RNASET2: variants seen among roughly 807,000 people sequenced by gnomAD.
The protein encoded by RNASET2 is ribonuclease 6.
In RNASET2, 28 loss-of-function variants were observed where a neutral mutation model predicts 33.9. The observed-to-expected ratio is 0.83, with a 90% CI of 0.61 to 1.13. The LOEUF is 1.13. RNASET2 is among the 50% of genes most tolerant of loss of function. RNASET2 has a pLI of 0.00. For missense variants in RNASET2, 330 were observed against 319.9 expected (o/e 1.03, Z -0.24); for synonymous variants, 123 against 121.0 (o/e 1.02, Z -0.11).
chr6:166,931,079 C>T lies in RNASET2; in HGVS notation c.532G>A (p.Val178Met), dbSNP rs1239284254. ...FKDALARVYGVIPKIQCLPPS... is the reference protein window; with the variant it reads ...FKDALARVYGMIPKIQCLPPS... ...GGAAGGCACTGGATTTTGGGTATCA[C>T]TCCATATACTCTGGCAAGGGCATCT... Residue 178 changes from valine (V) to methionine (M), a missense_variant, in exon 8 of 9, where the codon GTG (valine) becomes ATG (methionine). By Grantham distance (21) the Val-to-Met change is conservative. Coordinates refer to ENST00000508775, the MANE Select transcript of RNASET2 (RefSeq NM_003730.6). The T allele has an allele frequency of 1.9e-6, 3 of 1,612,618 alleles. No homozygotes were observed. Among genetic ancestry groups the T allele is most frequent in the South Asian group, 2.2e-5 (2 of 91,066 alleles).
intron 2 of RNASET2, 34 bp from the exon 3 acceptor site, chr6:166,948,659 T>A: frequency 7.9e-7 from 1 of 1,269,238 alleles, no homozygotes; most frequent in Non-Finnish European, 1.2e-6. Flanking sequence ...AATGATTGGC[T>A]CTTTGTTTAT....
intron 1 of RNASET2, among the ~76,000 whole-genome samples, chr6:166,955,330 C>T (rs1477142868): frequency 1.1e-5 from 1 of 88,380 alleles, no homozygotes. Flanking sequence ...CACACACGCA[C>T]GCACGCACAC....
At position 166,933,863 on chromosome 6, in the gene RNASET2, G is replaced by T; in HGVS notation, c.492+228C>A. 1.7e-6 allele frequency: 1 copy of T among 586,490 alleles called. No homozygotes were observed. The highest frequency in any genetic ancestry group is 4.5e-4 in the Middle Eastern group (1 of 2,220). The allele number at this position is 586,490 out of a possible 1,614,324, so 36.3% of individuals were successfully genotyped here. On this transcript the variant is annotated intron_variant, in intron 7 of 8. Coordinates refer to ENST00000508775, the MANE Select transcript of RNASET2 (RefSeq NM_003730.6). The surrounding 1 kb of genome is among the most constrained non-coding windows in gnomAD (Gnocchi z 4.1). ...CTGGAGCACACACTTCTCACAAAGG[G>T]AGCCATGAAATCTGTGCTTCCAAAT...
At chr6:166,955,393 ACGCG>A (rs541737588) in intron 1 of RNASET2, 1 of 297,648 alleles carries the variant, frequency 3.4e-6, no homozygotes, top group Non-Finnish European at 3.8e-6. Flanking sequence ...ACACACACAC[ACGCG>A]CACACACACA....
intron 8 of RNASET2, among the ~76,000 whole-genome samples, chr6:166,930,522 TCACACATG>T (rs553755264): frequency 9.3e-4 from 127 of 136,432 alleles, no homozygotes; most frequent in Non-Finnish European, 1.7e-3. Context: ...ATGCACACAT[TCACACATG>T]CACACACATG....
In RNASET2 at chr6:166,922,899, T is replaced by C. The variant is rs1298472333; in HGVS notation, c.*6689A>G. On this transcript the variant is annotated 3_prime_UTR_variant, in exon 9 of 9. Coordinates refer to ENST00000508775, the MANE Select transcript of RNASET2 (RefSeq NM_003730.6). The stretch of plus-strand genomic sequence containing the variant: ...TACACGCCAGGTTCAATGTCTTTGC[T>C]GGTAAAAATGGGCCACTGTCACTCT... 1.3e-5 allele frequency among the ~76,000 whole-genome samples: 2 copies of C among 152,202 alleles called. No individual in the cohort carries two copies. Among genetic ancestry groups the C allele is most frequent in the Non-Finnish European group, 2.9e-5 (2 of 68,032 alleles).
intron 4 of RNASET2, chr6:166,945,469 C>T (rs2128646151): frequency 6.5e-6 from 1 of 154,548 alleles, no homozygotes; most frequent in Non-Finnish European, 1.5e-5. Flanking sequence ...TCACGGCAGT[C>T]CCCAGCCTCT....
At chr6:166,942,968 C>A in intron 5 of RNASET2, 51 bp downstream of exon 5, 1 of 1,470,380 alleles carries the variant, frequency 6.8e-7, no homozygotes, top group East Asian at 2.3e-5. Flanking sequence ...ATCACGCTCC[C>A]CACACCCGCT....
At position 166,923,458 on chromosome 6, in the gene RNASET2, G is replaced by A. The variant is rs1185510273; in HGVS notation, c.*6130C>T. On this transcript the variant is annotated 3_prime_UTR_variant, in exon 9 of 9. Transcript: ENST00000508775. Reference sequence around the variant, plus strand: ...TGGTCTTGAACGCTTGACCTCAAGTGATCCGCCCACCTCGGCCTCCCAAGG... The same window carrying A: ...TGGTCTTGAACGCTTGACCTCAAGTAATCCGCCCACCTCGGCCTCCCAAGG... Among the ~76,000 whole-genome samples the A allele has an allele frequency of 6.6e-6, 1 of 151,888 alleles. No homozygotes were observed. Among genetic ancestry groups the A allele is most frequent in the Non-Finnish European group, 1.5e-5 (1 of 67,986 alleles).
In RNASET2 at chr6:166,956,326, G is replaced by C. The variant is rs549233900; in HGVS notation, c.-144C>G. 1 of 793,774 alleles carries C rather than the reference G, an allele frequency of 1.3e-6. No homozygotes were observed. Among genetic ancestry groups the C allele is most frequent in the Non-Finnish European group, 2.1e-6 (1 of 476,266 alleles). The allele number at this position is 793,774 out of a possible 1,614,324, so 49.2% of individuals were successfully genotyped here. ...CCTCCGCTGCAGCAGCGGCCACCGG[G>C]TGCGCCCGGAGCCCTGGGACGGCCT... On this transcript the variant is annotated 5_prime_UTR_variant, in exon 1 of 9. Coordinates refer to ENST00000508775, the MANE Select transcript of RNASET2 (RefSeq NM_003730.6).
chr6:166,932,253 C>T (rs535153471), intron 7 of RNASET2: 3 of 152,686 alleles, frequency 2.0e-5, no homozygotes, highest in East Asian at 1.9e-4. Flanking sequence ...GTGACCTACT[C>T]GGAGGGTCTC....
In RNASET2 at chr6:166,923,225, G is replaced by A. The variant is rs937042409; in HGVS notation, c.*6363C>T. On this transcript the variant is annotated 3_prime_UTR_variant, in exon 9 of 9. Transcript: ENST00000508775. The stretch of plus-strand genomic sequence containing the variant: ...ATTACAGGCGTGAGCCACCAGGCCC[G>A]GCCTTTTTTTTTTTTTTTTTTTTTG... Among the ~76,000 whole-genome samples, 1 of 118,136 alleles carries A rather than the reference G, an allele frequency of 8.5e-6. No homozygotes were observed. The highest frequency in any genetic ancestry group is 7.7e-5 in the Admixed American group (1 of 12,996). The allele number at this position is 118,136 out of a possible 152,430, so 77.5% of individuals were successfully genotyped here. A position where few individuals can be genotyped will look rare whatever the true frequency, so the allele number is the denominator to read the frequency against.
intron 6 of RNASET2, among the ~76,000 whole-genome samples, chr6:166,936,479 T>C (rs909383247): frequency 6.6e-6 from 1 of 152,074 alleles, no homozygotes; most frequent in Non-Finnish European, 1.5e-5. Context: ...CCGAGAAGCA[T>C]GGAACCAGAT....
At chr6:166,941,458 T>A (rs928830631) in intron 5 of RNASET2, among the ~76,000 whole-genome samples, 1 of 152,148 alleles carries the variant, frequency 6.6e-6, no homozygotes, top group Non-Finnish European at 1.5e-5. Context: ...TGACATATAA[T>A]TTTTTTTCCT....
At position 166,938,715 on chromosome 6, in the gene RNASET2, G is replaced by A. The variant is rs141246788; in HGVS notation, c.446+180C>T. 4 of 771,058 alleles carry A rather than the reference G, an allele frequency of 5.2e-6. No homozygotes were observed. The East Asian group carries it at 9.8e-5, about 19-fold the overall frequency. The allele number at this position is 771,058 out of a possible 1,614,324, so 47.8% of individuals were successfully genotyped here. ...GTGTGATCGTGATGTAGAATGATCT[G>A]GAAAGGCTTGGTAGGCTCAGAACAT... is the stretch of plus-strand genomic sequence containing the variant. On this transcript the variant is annotated intron_variant, in intron 6 of 8. Transcript: ENST00000508775.
Position 166,956,278 on chromosome 6 carries a change from C to T in RNASET2, c.-96G>A. Reference sequence around the variant, plus strand: ...AGACTTCCGGGAGAAACGCTGTCTCCGAGCCCCCGCGCCGCCGCGCTCCCT... The same window carrying T: ...AGACTTCCGGGAGAAACGCTGTCTCTGAGCCCCCGCGCCGCCGCGCTCCCT... On this transcript the variant is annotated 5_prime_UTR_variant, in exon 1 of 9. Transcript: ENST00000508775. The T allele has an allele frequency of 8.4e-6, 10 of 1,197,518 alleles. No individual in the cohort carries two copies. The highest frequency in any genetic ancestry group is 1.2e-5 in the Non-Finnish European group (10 of 828,790). The allele number at this position is 1,197,518 out of a possible 1,614,324, so 74.2% of individuals were successfully genotyped here.
rs569910165 is a variant in RNASET2 at position 166,927,823 on chromosome 6, A to G, written c.*1765T>C. 6.6e-6 allele frequency among the ~76,000 whole-genome samples: 1 copy of G among 152,166 alleles called. No individual in the cohort carries two copies. The highest frequency in any genetic ancestry group is 2.4e-5 in the African/African-American group (1 of 41,510). On this transcript the variant is annotated 3_prime_UTR_variant, in exon 9 of 9. Coordinates refer to ENST00000508775, the MANE Select transcript of RNASET2 (RefSeq NM_003730.6). The stretch of plus-strand genomic sequence containing the variant: ...CCTGAGGACGCAGAGCAAATGCAGG[A>G]AATCACGCCCTTCCAGGTGCAAAAC...
chr6:166,955,175 C>CCACACA (rs144459587), intron 1 of RNASET2, among the ~76,000 whole-genome samples: 11 of 131,028 alleles, frequency 8.4e-5, no homozygotes, highest in African/African-American at 3.5e-4. Context: ...TGGGCGGCTG[C>CCACACA]CACACACACA....
At position 166,929,716 on chromosome 6, in the gene RNASET2, C is replaced by T. The variant is rs41269593; in HGVS notation, c.643G>A (p.Glu215Lys). Residue 215 changes from glutamate (E) to lysine (K), a missense_variant, in exon 9 of 9, where the codon GAG (glutamate) becomes AAG (lysine). Glu to Lys is a moderately conservative substitution (Grantham distance 56). Transcript: ENST00000508775. ...TTGGGGGACGGCTGCTCCCCCGGCT[C>T]GGTGCAGTTTTGCAGCTGCTGGTCT... ...KQDQQLQNCT[E>K]PGEQPSPKQE... is the part of the protein sequence containing the mutation. The T allele has an allele frequency of 5.3e-3, 8,547 of 1,614,092 alleles. 27 individuals carry two copies. The highest frequency in any genetic ancestry group is 6.8e-3 in the Admixed American group (406 of 60,008).
Sources: gnomAD v4.1 joint callset for allele counts (sites outside exome capture counted in the v4.1 genomes callset) on GRCh38, gnomAD v4.1.1 for gene constraint, Gnocchi (gnomAD v3.1) non-coding constraint, MANE v1.5 for transcripts, NCBI Gene and HGNC (gene_info 2026-07-23, HGNC 2026-07-21) for gene names.